RYR2: variants seen among roughly 807,000 people sequenced by gnomAD.
RYR2 encodes the protein cardiac muscle ryanodine receptor-calcium release channel.
Under a neutral mutation model 601.1 loss-of-function variants are expected in RYR2, and 227 were observed. That is an observed-to-expected ratio of 0.38 (90% CI 0.34 to 0.42). The LOEUF (loss-of-function observed/expected upper bound fraction) is 0.42. Among genes scored for constraint, RYR2 ranks in the 10% least tolerant of loss-of-function variants. RYR2 has a pLI of 1.00. For missense variants in RYR2, 4,646 were observed against 6,156.5 expected, an observed-to-expected ratio of 0.75 and a Z score of 8.21; for synonymous variants, 2,223 against 2,175.1, an observed-to-expected ratio of 1.02 and a Z score of -0.61.
At chr1:237,485,122 T>C (rs1196954226) in intron 17 of RYR2, among the ~76,000 whole-genome samples, 2 of 152,160 alleles carry the variant, frequency 1.3e-5, no homozygotes, top group Non-Finnish European at 2.9e-5. Context: ...CTAAGAAATA[T>C]AAATTCCCTA....
At chr1:237,161,447 G>GT (rs1217914966) in intron 1 of RYR2, among the ~76,000 whole-genome samples, 1 of 151,904 alleles carries the variant, frequency 6.6e-6, no homozygotes. Context: ...AACTAGGAGG[G>GT]TTTTTTTAGT....
rs771715258 is a variant in RYR2, at chr1:237,818,995, G to T, written c.14434-41G>T. 3 of 1,573,042 alleles carry T rather than the reference G, an allele frequency of 1.9e-6. No homozygotes were observed. In the East Asian group the frequency reaches 6.8e-5, roughly 36 times the overall value. ...CGGGTTTGTCGAGAAAAAAAAATGG[G>T]TAATGTCCCTCCAAGAAGTGATACC... On this transcript the variant is annotated intron_variant, in intron 100 of 104. Coordinates refer to ENST00000366574, the MANE Select transcript of RYR2 (RefSeq NM_001035.3).
chr1:237,176,247 A>AT (rs1678032762), intron 1 of RYR2, among the ~76,000 whole-genome samples: 5 of 132,814 alleles, frequency 3.8e-5, no homozygotes, highest in South Asian at 2.5e-4. Flanking sequence ...TTAATGAAAA[A>AT]AATATATATA....
chr1:237,356,083 C>A, intron 4 of RYR2, 98 bp downstream of exon 4: 1 of 1,064,330 alleles, frequency 9.4e-7, no homozygotes, highest in South Asian at 1.4e-5. Flanking sequence ...GTGGCTTGTA[C>A]TATTAGTGTT....
intron 1 of RYR2, among the ~76,000 whole-genome samples, chr1:237,207,256 A>G (rs755985575): frequency 6.6e-6 from 1 of 151,996 alleles, no homozygotes; most frequent in African/African-American, 2.4e-5. Flanking sequence ...TATGAATGGG[A>G]TGAAGGCCTT....
intron 1 of RYR2, among the ~76,000 whole-genome samples, chr1:237,230,328 C>T (rs1417191441): frequency 6.6e-6 from 1 of 152,184 alleles, no homozygotes; most frequent in Non-Finnish European, 1.5e-5. Flanking sequence ...TTAAGCTTCA[C>T]CTTTATATGC....
At chr1:237,078,871 A>G (rs1257365423) in intron 1 of RYR2, among the ~76,000 whole-genome samples, 1 of 52,698 alleles carries the variant, frequency 1.9e-5, no homozygotes, top group East Asian at 5.0e-4. Flanking sequence ...TGATGCAAAA[A>G]TCCTCAATAA....
intron 42 of RYR2, among the ~76,000 whole-genome samples, chr1:237,632,179 TA>T (rs1680402310): frequency 6.6e-6 from 1 of 152,008 alleles, no homozygotes; most frequent in South Asian, 2.1e-4. Flanking sequence ...CTTAGAAACA[TA>T]AAAATTACTC....
intron 1 of RYR2, among the ~76,000 whole-genome samples, chr1:237,120,308 A>C (rs1477689645): frequency 6.6e-6 from 1 of 152,160 alleles, no homozygotes; most frequent in Non-Finnish European, 1.5e-5. Flanking sequence ...GTACTTTAGG[A>C]ATTATAGTGG....
chr1:237,657,920 C>G (rs1192143602), intron 53 of RYR2, 24 bp from the exon 54 acceptor site: 1 of 1,317,896 alleles, frequency 7.6e-7, no homozygotes, highest in Non-Finnish European at 1.0e-6. Context: ...AAATCAAGCT[C>G]TTTTGTCTTT....
chr1:237,369,936 G>T lies in RYR2; in HGVS notation c.384+328G>T, dbSNP rs542448131. 2.1e-3 allele frequency among the ~76,000 whole-genome samples: 313 copies of T among 152,096 alleles called. 2 individuals carry two copies. Among genetic ancestry groups the T allele is most frequent in the African/African-American group, 7.3e-3 (305 of 41,498 alleles). ...TTTGTTTTGAAGAGTTCATTTATTAGAGAAATAAGGTATCTTTATTGAAAG... is the reference window on the plus strand; with the variant it reads ...TTTGTTTTGAAGAGTTCATTTATTATAGAAATAAGGTATCTTTATTGAAAG... On this transcript the variant is annotated intron_variant, in intron 6 of 104. Transcript: ENST00000366574.
Position 237,723,115 on chromosome 1 carries a change from CT to C in RYR2, c.10555-7del. ...CCCATCTTCCCATTGTAACCTTTTC[CT>C]TTTTTCTGCAGTTGGAGGATCCTGC... On this transcript the variant is annotated splice_polypyrimidine_tract_variant and intron_variant, in intron 73 of 104. Transcript: ENST00000366574. The C allele has an allele frequency of 6.3e-7, 1 of 1,596,686 alleles. No individual in the cohort carries two copies. The highest frequency in any genetic ancestry group is 8.5e-7 in the Non-Finnish European group (1 of 1,173,418).
intron 8 of RYR2, among the ~76,000 whole-genome samples, chr1:237,380,185 C>T (rs1701343238): frequency 1.3e-5 from 2 of 150,578 alleles, no homozygotes; most frequent in South Asian, 4.2e-4. Flanking sequence ...GATTCAAAGA[C>T]TTATTTGGAG....
intron 10 of RYR2, among the ~76,000 whole-genome samples, chr1:237,406,719 TAG>T (rs1703942213): frequency 6.6e-6 from 1 of 152,168 alleles, no homozygotes; most frequent in Non-Finnish European, 1.5e-5. Flanking sequence ...AAAAAATTAA[TAG>T]ACTTTATTAT....
intron 79 of RYR2, among the ~76,000 whole-genome samples, chr1:237,739,989 GC>G (rs1394636712): frequency 6.6e-6 from 1 of 152,026 alleles, no homozygotes; most frequent in Non-Finnish European, 1.5e-5. Flanking sequence ...TTCCACACCT[GC>G]CCCTTTATGT....
At chr1:237,108,939 T>C (rs1210330131) in intron 1 of RYR2, among the ~76,000 whole-genome samples, 1 of 152,180 alleles carries the variant, frequency 6.6e-6, no homozygotes, top group African/African-American at 2.4e-5. Context: ...CTAGTTTATT[T>C]TCATTGTGAG....
At chr1:237,217,326 C>A (rs973890973) in intron 1 of RYR2, among the ~76,000 whole-genome samples, 8 of 138,082 alleles carry the variant, frequency 5.8e-5, no homozygotes, top group Admixed American at 5.5e-4. Flanking sequence ...GGAATTAAAA[C>A]ACTTTTTTTT....
chr1:237,273,333 G>C (rs985836686), intron 2 of RYR2, among the ~76,000 whole-genome samples: 16 of 152,322 alleles, frequency 1.1e-4, no homozygotes, highest in African/African-American at 3.8e-4. Flanking sequence ...GGCCAGTGAG[G>C]GGGAGCAGCT....
At chr1:237,637,119 G>A (rs1029931440) in intron 44 of RYR2, among the ~76,000 whole-genome samples, 1 of 152,180 alleles carries the variant, frequency 6.6e-6, no homozygotes, top group Non-Finnish European at 1.5e-5. Context: ...TCTCACAGAT[G>A]TCTACATCTC....
Sources: allele counts gnomAD v4.1 joint callset (sites outside exome capture counted in the v4.1 genomes callset), GRCh38; gene constraint gnomAD v4.1.1; transcripts MANE v1.5; gene names NCBI Gene and HGNC (gene_info 2026-07-23, HGNC 2026-07-21).